Variants in PCDH15 observed in about 807,000 individuals in gnomAD.
PCDH15 encodes protocadherin-15.
PCDH15 carries 129 observed loss-of-function variants against 178.5 expected under a neutral mutation model. The observed-to-expected ratio is 0.72, with a 90% CI of 0.63 to 0.84. PCDH15 has a LOEUF of 0.84. Among genes scored for constraint, PCDH15 ranks in the 40% least tolerant of loss-of-function variants. PCDH15 has a pLI of 0.00. For synonymous variants in PCDH15, 800 were observed against 732.0 expected (o/e 1.09, Z -1.50); for missense variants, 2,230 against 2,099.9 (o/e 1.06, Z -1.21).
At chr10:55,070,262 T>A (rs1162344386) in intron 2 of PCDH15, among the ~76,000 whole-genome samples, 1 of 152,196 alleles carries the variant, frequency 6.6e-6, no homozygotes, top group Non-Finnish European at 1.5e-5. Flanking sequence ...TCTTTTGCTG[T>A]GCAGAAGCTG....
At position 54,411,786 on chromosome 10, in the gene PCDH15, A is replaced by T. The variant is rs116751639; in HGVS notation, c.158-32844T>A. Among the ~76,000 whole-genome samples the T allele has an allele frequency of 4.9e-3, 741 of 152,262 alleles. 8 individuals are homozygous for T. The highest frequency in any genetic ancestry group is 0.017 in the African/African-American group (688 of 41,570). ...AGAAAATGCCTGTCACACAGCACTC[A>T]CATTAAAAGCTTAGTTGAATTGATA... On this transcript the variant is annotated intron_variant, in intron 3 of 37. Coordinates refer to ENST00000644397, the MANE Select transcript of PCDH15 (RefSeq NM_001384140.1).
At chr10:55,495,661 G>T (rs190513365) in intron 2 of PCDH15, among the ~76,000 whole-genome samples, 1 of 151,660 alleles carries the variant, frequency 6.6e-6, no homozygotes, top group Admixed American at 6.6e-5. Context: ...AAAGATTACA[G>T]GTTCTTTAAG....
intron 2 of PCDH15, among the ~76,000 whole-genome samples, chr10:55,422,328 T>C (rs559775281): frequency 7.2e-5 from 11 of 151,910 alleles, no homozygotes; most frequent in South Asian, 2.1e-4. Context: ...CCTTATAAAA[T>C]GAAGAGGAAA....
intron 25 of PCDH15, among the ~76,000 whole-genome samples, chr10:53,924,017 C>T (rs1031657135): frequency 1.2e-4 from 18 of 152,200 alleles, no homozygotes; most frequent in African/African-American, 3.9e-4. Context: ...TTACAGCCTG[C>T]TGGCAGCCCT....
At chr10:54,765,541 T>C (rs370397670) in intron 1 of PCDH15, among the ~76,000 whole-genome samples, 98 of 152,248 alleles carry the variant, frequency 6.4e-4, no homozygotes, top group African/African-American at 2.2e-3. Context: ...TGTTTGGACA[T>C]AGTAAGCACT....
intron 3 of PCDH15, among the ~76,000 whole-genome samples, chr10:54,446,137 A>G (rs1473261220): frequency 6.6e-6 from 1 of 151,576 alleles, no homozygotes; most frequent in Non-Finnish European, 1.5e-5. Flanking sequence ...ATTTCCAAAA[A>G]CAAACTAGTA....
intron 21 of PCDH15, among the ~76,000 whole-genome samples, chr10:53,985,728 ACTT>A (rs750632412): frequency 4.5e-4 from 68 of 152,136 alleles, no homozygotes; most frequent in Admixed American, 6.6e-4. Flanking sequence ...TATGCTACCC[ACTT>A]CTTCTCTACA....
intron 32 of PCDH15, among the ~76,000 whole-genome samples, chr10:53,824,293 A>G (rs758258809): frequency 5.3e-5 from 8 of 152,156 alleles, no homozygotes; most frequent in Admixed American, 6.6e-5. Flanking sequence ...CCCTTCTCCC[A>G]GGATTGTTGG....
intron 8 of PCDH15, among the ~76,000 whole-genome samples, chr10:54,314,035 C>A (rs2061072678): frequency 6.6e-6 from 1 of 151,976 alleles, no homozygotes; most frequent in African/African-American, 2.4e-5. Context: ...CCCACTGGTA[C>A]ACTAGCTGAA....
intron 3 of PCDH15, among the ~76,000 whole-genome samples, chr10:54,468,260 T>G (rs1056127278): frequency 1.3e-5 from 2 of 151,996 alleles, no homozygotes; most frequent in Non-Finnish European, 2.9e-5. Context: ...GATTGTTTAT[T>G]TGAAATCTTT....
intron 18 of PCDH15, among the ~76,000 whole-genome samples, chr10:54,052,589 G>A (rs531519264): frequency 6.6e-6 from 1 of 152,236 alleles, no homozygotes; most frequent in Non-Finnish European, 1.5e-5. Flanking sequence ...AATTCTACAG[G>A]CTATTAGGTG....
At chr10:54,956,866 T>C (rs1253884869) in intron 2 of PCDH15, among the ~76,000 whole-genome samples, 2 of 151,694 alleles carry the variant, frequency 1.3e-5, no homozygotes, top group African/African-American at 2.4e-5. Flanking sequence ...TAACAATACA[T>C]AGATGAGGAT....
chr10:54,291,893 C>A (rs192518947), intron 8 of PCDH15, among the ~76,000 whole-genome samples: 2 of 152,090 alleles, frequency 1.3e-5, no homozygotes, highest in African/African-American at 2.4e-5. Context: ...ACCAGAGGTA[C>A]GAAGAGGACT....
intron 2 of PCDH15, among the ~76,000 whole-genome samples, chr10:55,583,033 T>C (rs1157103078): frequency 6.6e-6 from 1 of 152,158 alleles, no homozygotes; most frequent in Non-Finnish European, 1.5e-5. Context: ...TTTTTGACCA[T>C]CACTTTCATA....
At chr10:55,244,037 CATT>C (rs1841623858) in intron 1 of PCDH15, among the ~76,000 whole-genome samples, 1 of 151,940 alleles carries the variant, frequency 6.6e-6, no homozygotes, top group South Asian at 2.1e-4. Context: ...TTCAAAAAAT[CATT>C]AATGTCAATT....
intron 26 of PCDH15, among the ~76,000 whole-genome samples, chr10:53,871,480 G>GTGTGTGTGTA (rs1164989375): frequency 3.3e-4 from 50 of 150,240 alleles, no homozygotes; most frequent in South Asian, 1.3e-3. Context: ...GTGTGTGTGT[G>GTGTGTGTGTA]TATATACACA....
chr10:54,797,532 A>G (rs1407698101), intron 1 of PCDH15, among the ~76,000 whole-genome samples: 1 of 151,644 alleles, frequency 6.6e-6, no homozygotes, highest in African/African-American at 2.4e-5. Flanking sequence ...ACACACACAC[A>G]CACACACACA....
chr10:54,369,898 T>A (rs1338613886), intron 4 of PCDH15, among the ~76,000 whole-genome samples: 2 of 152,022 alleles, frequency 1.3e-5, no homozygotes, highest in African/African-American at 4.8e-5. Flanking sequence ...CTATAGCATT[T>A]TTTGTATAAT....
chr10:53,999,321 A>C, intron 20 of PCDH15, among the ~76,000 whole-genome samples: 1 of 152,026 alleles, frequency 6.6e-6, no homozygotes, highest in East Asian at 1.9e-4. Context: ...GTTTTCCACT[A>C]CTAGACACTT....
Sources: allele counts gnomAD v4.1 joint callset (sites outside exome capture counted in the v4.1 genomes callset), GRCh38; gene constraint gnomAD v4.1.1; transcripts MANE v1.5; gene names NCBI Gene and HGNC (gene_info 2026-07-23, HGNC 2026-07-21).